The following SPOCK3 variants were observed in gnomAD, a reference collection of about 807,000 sequenced individuals.
The protein encoded by SPOCK3 is SPARC (osteonectin), cwcv and kazal like domains proteoglycan 3.
SPOCK3 carries 30 observed loss-of-function variants against 56.6 expected under a neutral mutation model. The observed-to-expected ratio is 0.53, with a 90% CI of 0.40 to 0.72. The LOEUF is 0.72. Among genes scored for constraint, SPOCK3 ranks in the 30% least tolerant of loss-of-function variants. The probability of loss-of-function intolerance (pLI) is 0.00; values close to 1 mark genes in which losing one functional copy is unlikely to be tolerated. For synonymous variants in SPOCK3, 196 were observed against 183.3 expected (o/e 1.07, Z -0.56); for missense variants, 527 against 530.0 (o/e 0.99, Z 0.06).
intron 2 of SPOCK3, among the ~76,000 whole-genome samples, chr4:167,063,144 C>T (rs1353206575): frequency 2.0e-5 from 3 of 151,596 alleles, no homozygotes; most frequent in African/African-American, 4.8e-5. Flanking sequence ...TAAGTCCTGC[C>T]TAAAGTTTAA....
intron 4 of SPOCK3, among the ~76,000 whole-genome samples, chr4:166,949,534 C>T (rs1052288482): frequency 6.6e-6 from 1 of 152,114 alleles, no homozygotes; most frequent in African/African-American, 2.4e-5. Context: ...GATGTCCTTT[C>T]TGTTCGTTAG....
chr4:166,844,584 C>A (rs2168402), intron 6 of SPOCK3, among the ~76,000 whole-genome samples: 54,662 of 152,050 alleles, frequency 0.36, 12,365 homozygotes, highest in South Asian at 0.53. Flanking sequence ...CCACCTTGGA[C>A]TCAAACTGCA....
chr4:166,835,328 G>A (rs1455022410), intron 6 of SPOCK3, among the ~76,000 whole-genome samples: 3 of 152,078 alleles, frequency 2.0e-5, no homozygotes, highest in African/African-American at 7.2e-5. Flanking sequence ...TGATTCTAGT[G>A]TCAACAATGA....
At chr4:166,998,180 G>C (rs1401511405) in intron 4 of SPOCK3, among the ~76,000 whole-genome samples, 2 of 152,068 alleles carry the variant, frequency 1.3e-5, no homozygotes, top group Non-Finnish European at 2.9e-5. Context: ...ATTGAATAGA[G>C]CATGGATTGA....
chr4:167,165,909 G>T (rs1381382612), intron 2 of SPOCK3, among the ~76,000 whole-genome samples: 3 of 151,918 alleles, frequency 2.0e-5, no homozygotes, highest in Non-Finnish European at 4.4e-5. Context: ...AATCTATTTG[G>T]AATGGGTTAA....
chr4:166,953,015 T>C (rs1456685124), intron 4 of SPOCK3, among the ~76,000 whole-genome samples: 2 of 151,738 alleles, frequency 1.3e-5, no homozygotes, highest in Non-Finnish European at 2.9e-5. Context: ...ATTCAGGACA[T>C]AGGCATGGGC....
intron 5 of SPOCK3, among the ~76,000 whole-genome samples, chr4:166,895,738 T>A (rs1269216520): frequency 6.6e-6 from 1 of 152,202 alleles, no homozygotes. Flanking sequence ...CCAAGATACA[T>A]GTGAAATGAT....
chr4:166,928,283 T>C (rs1483105313), intron 4 of SPOCK3, among the ~76,000 whole-genome samples: 2 of 152,214 alleles, frequency 1.3e-5, no homozygotes, highest in African/African-American at 4.8e-5. Flanking sequence ...GACAGATGTT[T>C]ATAGCAGCTT....
At chr4:167,072,889 A>C (rs1048315736) in intron 2 of SPOCK3, among the ~76,000 whole-genome samples, 3 of 151,912 alleles carry the variant, frequency 2.0e-5, no homozygotes, top group African/African-American at 7.2e-5. Flanking sequence ...ATTTAAAATG[A>C]AAATCAAAGG....
intron 2 of SPOCK3, among the ~76,000 whole-genome samples, chr4:167,232,747 A>G (rs960447268): frequency 6.6e-6 from 1 of 152,314 alleles, no homozygotes; most frequent in Middle Eastern, 3.4e-3. Flanking sequence ...TCCATTAAAT[A>G]TTCTCAATCA....
chr4:166,856,235 T>C (rs940076539), intron 6 of SPOCK3, among the ~76,000 whole-genome samples: 2 of 151,794 alleles, frequency 1.3e-5, no homozygotes, highest in Admixed American at 6.6e-5. Context: ...GGGCACAAAG[T>C]TTCCATTAGA....
At chr4:167,139,892 T>G (rs1763395965) in intron 2 of SPOCK3, among the ~76,000 whole-genome samples, 1 of 152,008 alleles carries the variant, frequency 6.6e-6, no homozygotes, top group African/African-American at 2.4e-5. Context: ...GTTGTCCCCA[T>G]GTAACCCAAT....
chr4:166,964,768 T>C (rs1744525037), intron 4 of SPOCK3, among the ~76,000 whole-genome samples: 1 of 151,718 alleles, frequency 6.6e-6, no homozygotes, highest in Non-Finnish European at 1.5e-5. Context: ...ATCAAAGAAC[T>C]AAAATTAAAG....
intron 2 of SPOCK3, among the ~76,000 whole-genome samples, chr4:167,138,966 TAAC>T (rs1763323652): frequency 6.6e-6 from 1 of 151,990 alleles, no homozygotes; most frequent in African/African-American, 2.4e-5. Flanking sequence ...ATTAAAATTT[TAAC>T]AACAATAAAA....
At chr4:166,998,077 T>A (rs187389759) in intron 4 of SPOCK3, among the ~76,000 whole-genome samples, 1 of 152,282 alleles carries the variant, frequency 6.6e-6, no homozygotes, top group East Asian at 1.9e-4. Context: ...AAGCGTTGTA[T>A]AAATAATCAC....
At chr4:167,211,081 A>G (rs952855074) in intron 2 of SPOCK3, among the ~76,000 whole-genome samples, 2 of 152,214 alleles carry the variant, frequency 1.3e-5, no homozygotes, top group African/African-American at 4.8e-5. Context: ...TAATATACAT[A>G]GTTGCATCAG....
intron 3 of SPOCK3, among the ~76,000 whole-genome samples, chr4:167,029,014 G>T (rs935821278): frequency 1.3e-5 from 2 of 151,898 alleles, no homozygotes; most frequent in Non-Finnish European, 2.9e-5. Context: ...CTGCACAGAT[G>T]AACCCATCAC....
intron 2 of SPOCK3, among the ~76,000 whole-genome samples, chr4:167,114,156 G>A (rs1448993759): frequency 6.6e-6 from 1 of 152,118 alleles, no homozygotes; most frequent in Non-Finnish European, 1.5e-5. Flanking sequence ...AAACGAGAGA[G>A]AGGTCAATTC....
chr4:166,752,447 A>G (rs1443274761), intron 8 of SPOCK3, among the ~76,000 whole-genome samples: 1 of 151,998 alleles, frequency 6.6e-6, no homozygotes, highest in African/African-American at 2.4e-5. Flanking sequence ...TGTAGTCTTC[A>G]TGGCAGTTTT....
Sources: gnomAD v4.1 joint callset for allele counts (sites outside exome capture counted in the v4.1 genomes callset) on GRCh38, gnomAD v4.1.1 for gene constraint, MANE v1.5 for transcripts, NCBI Gene and HGNC (gene_info 2026-07-23, HGNC 2026-07-21) for gene names.